Variants in CAPN13 observed in about 807,000 individuals in gnomAD.
CAPN13 encodes the protein calpain-13.
A neutral mutation model predicts 98.4 loss-of-function variants in CAPN13; 90 were observed. The observed-to-expected ratio is 0.92, with a 90% CI of 0.77 to 1.09. The LOEUF is 1.09. CAPN13 is among the 50% of genes least tolerant of loss of function. The pLI, the probability that CAPN13 is intolerant of heterozygous loss-of-function variation, is 0.00. For synonymous variants in CAPN13, 330 were observed against 305.5 expected (o/e 1.08, Z -0.84); for missense variants, 887 against 841.3 (o/e 1.05, Z -0.67).
intron 1 of CAPN13, among the ~76,000 whole-genome samples, chr2:30,804,742 T>A (rs1202975520): frequency 6.6e-6 from 1 of 152,140 alleles, no homozygotes; most frequent in Admixed American, 6.5e-5. Flanking sequence ...TTCCTTGCTG[T>A]CTATCAGTGG....
chr2:30,769,451 T>C (rs779389788), intron 5 of CAPN13, among the ~76,000 whole-genome samples: 5 of 152,124 alleles, frequency 3.3e-5, no homozygotes, highest in Non-Finnish European at 5.9e-5. Context: ...GTATTGATTA[T>C]GGAAAGTTTG....
chr2:30,758,465 G>C (rs571588045), intron 7 of CAPN13, among the ~76,000 whole-genome samples: 2 of 152,242 alleles, frequency 1.3e-5, no homozygotes, highest in African/African-American at 4.8e-5. Context: ...ATGTTGCTTC[G>C]GGCTGCAGAG....
intron 12 of CAPN13, among the ~76,000 whole-genome samples, chr2:30,745,521 C>T (rs536648905): frequency 1.8e-4 from 28 of 152,282 alleles, no homozygotes; most frequent in African/African-American, 6.3e-4. Context: ...CTCAAAGGGT[C>T]GAAGCTTCAG....
At chr2:30,735,488 A>G (rs1671316969) in intron 18 of CAPN13, among the ~76,000 whole-genome samples, 1 of 152,226 alleles carries the variant, frequency 6.6e-6, no homozygotes, top group Non-Finnish European at 1.5e-5. Flanking sequence ...GTTCTCAGGA[A>G]TTCATTCGTT....
At chr2:30,797,635 C>T (rs1674954543) in intron 1 of CAPN13, among the ~76,000 whole-genome samples, 1 of 152,192 alleles carries the variant, frequency 6.6e-6, no homozygotes, top group Admixed American at 6.5e-5. Flanking sequence ...TCCTGCCTGG[C>T]CCTGAACTTG....
intron 2 of CAPN13, 112 bp downstream of exon 2, chr2:30,787,016 A>C: frequency 2.6e-6 from 2 of 783,942 alleles, no homozygotes; most frequent in East Asian, 2.7e-5. Context: ...TACCTGGTGA[A>C]TTTCATTCTC....
chr2:30,755,576 G>A (rs1179616241), intron 8 of CAPN13, among the ~76,000 whole-genome samples: 1 of 152,028 alleles, frequency 6.6e-6, no homozygotes, highest in Non-Finnish European at 1.5e-5. Context: ...AAGCAGAAGG[G>A]AGCAGCTGCT....
intron 15 of CAPN13, chr2:30,741,591 G>A: frequency 9.0e-7 from 1 of 1,107,842 alleles, no homozygotes; most frequent in Non-Finnish European, 1.1e-6. Context: ...AGAAGGAAAG[G>A]TTTCACGGGG....
At chr2:30,731,510 G>T in intron 20 of CAPN13, 111 bp from the exon 21 acceptor site, 1 of 860,800 alleles carries the variant, frequency 1.2e-6, no homozygotes, top group Non-Finnish European at 1.8e-6. Context: ...CTGTAAAGCA[G>T]CCCCTCCTGC....
At chr2:30,733,934 G>A (rs1273226016) in intron 19 of CAPN13, among the ~76,000 whole-genome samples, 1 of 152,184 alleles carries the variant, frequency 6.6e-6, no homozygotes, top group Non-Finnish European at 1.5e-5. Context: ...GCGAACAGAA[G>A]TGCTTGGTGA....
chr2:30,776,077 T>C (rs765154916), intron 3 of CAPN13, 32 bp from the exon 4 acceptor site: 9 of 1,430,950 alleles, frequency 6.3e-6, no homozygotes, highest in East Asian at 4.7e-5. Flanking sequence ...GAAAGGCTGA[T>C]TGGACACACT....
chr2:30,752,795 AG>A (rs1400334866), intron 10 of CAPN13, among the ~76,000 whole-genome samples: 1 of 152,130 alleles, frequency 6.6e-6, no homozygotes, highest in African/African-American at 2.4e-5. Flanking sequence ...AGGAAGCGGG[AG>A]GGTGTTAGTG....
intron 11 of CAPN13, among the ~76,000 whole-genome samples, chr2:30,748,357 A>C (rs1460960301): frequency 6.6e-6 from 1 of 152,200 alleles, no homozygotes. Context: ...CCTGGAAACT[A>C]TCTCAGGCTG....
At chr2:30,800,878 C>G (rs1027500968) in intron 1 of CAPN13, among the ~76,000 whole-genome samples, 3 of 152,094 alleles carry the variant, frequency 2.0e-5, no homozygotes, top group African/African-American at 7.2e-5. Context: ...GTAGAGCATT[C>G]TTTTTTCTGG....
At chr2:30,727,711 G>A (rs1312309986) in intron 22 of CAPN13, among the ~76,000 whole-genome samples, 10 of 152,192 alleles carry the variant, frequency 6.6e-5, no homozygotes, top group Admixed American at 6.5e-4. Context: ...TGGTGGGAAT[G>A]TAAAATGGTG....
chr2:30,732,677 C>T, intron 19 of CAPN13, 111 bp from the exon 20 acceptor site: 1 of 1,373,656 alleles, frequency 7.3e-7, no homozygotes, highest in Non-Finnish European at 9.8e-7. Flanking sequence ...CCCACCAACT[C>T]CTCCCACTCA....
chr2:30,768,156 TC>T (rs1340297928), intron 5 of CAPN13, among the ~76,000 whole-genome samples: 5 of 152,142 alleles, frequency 3.3e-5, no homozygotes, highest in Non-Finnish European at 7.4e-5. Flanking sequence ...AAGTGTCCCC[TC>T]CCCAGATCCT....
At chr2:30,738,882 T>C (rs1671517974) in intron 15 of CAPN13, among the ~76,000 whole-genome samples, 1 of 151,240 alleles carries the variant, frequency 6.6e-6, no homozygotes, top group African/African-American at 2.5e-5. Context: ...GTGTGTTGTG[T>C]GTATGTGTGT....
At chr2:30,749,297 T>A (rs902775878) in intron 11 of CAPN13, among the ~76,000 whole-genome samples, 1 of 152,212 alleles carries the variant, frequency 6.6e-6, no homozygotes, top group African/African-American at 2.4e-5. Flanking sequence ...AGATGCTGAA[T>A]CAGTAAGTAT....
Sources: gnomAD v4.1 joint callset for allele counts (sites outside exome capture counted in the v4.1 genomes callset) on GRCh38, gnomAD v4.1.1 for gene constraint, MANE v1.5 for transcripts, NCBI Gene and HGNC (gene_info 2026-07-23, HGNC 2026-07-21) for gene names.